The following AGBL4 variants were observed in gnomAD, a reference collection of about 807,000 sequenced individuals.
AGBL4 encodes the protein cytosolic carboxypeptidase 6.
In AGBL4, 58 loss-of-function variants were observed where a neutral mutation model predicts 66.4. That is an observed-to-expected ratio of 0.87 (90% CI 0.71 to 1.09). The LOEUF (loss-of-function observed/expected upper bound fraction) is 1.09. Among genes scored for constraint, AGBL4 ranks in the 50% least tolerant of loss-of-function variants. The pLI is 0.00. For synonymous variants in AGBL4, 234 were observed against 222.9 expected, an observed-to-expected ratio of 1.05 and a Z score of -0.44; for missense variants, 579 against 631.0, an observed-to-expected ratio of 0.92 and a Z score of 0.88.
intron 2 of AGBL4, among the ~76,000 whole-genome samples, chr1:49,713,235 G>A (rs1279353936): frequency 6.6e-6 from 1 of 151,918 alleles, no homozygotes; most frequent in East Asian, 1.9e-4. Context: ...AGATAACTCA[G>A]TGAGAATATC....
At chr1:48,776,527 CTCCG>C in intron 6 of AGBL4, 9 of 1,108,522 alleles carry the variant, frequency 8.1e-6, no homozygotes, top group African/African-American at 1.7e-5. Flanking sequence ...CCCCGGTCCC[CTCCG>C]CCCGGGCCCC....
chr1:49,728,273 C>G (rs1558196519), intron 2 of AGBL4, among the ~76,000 whole-genome samples: 1 of 152,110 alleles, frequency 6.6e-6, no homozygotes. Context: ...TTTAAAGGTA[C>G]AGAAAGATAA....
intron 1 of AGBL4, among the ~76,000 whole-genome samples, chr1:49,947,674 G>C (rs1473364802): frequency 2.0e-5 from 3 of 151,316 alleles, no homozygotes; most frequent in African/African-American, 7.3e-5. Flanking sequence ...CTTCAATATA[G>C]TACTGGAAGT....
chr1:48,563,500 G>T (rs1284401196), intron 11 of AGBL4, among the ~76,000 whole-genome samples: 1 of 152,098 alleles, frequency 6.6e-6, no homozygotes, highest in Non-Finnish European at 1.5e-5. Flanking sequence ...GAAATGGAGT[G>T]AGGGGGTCTG....
chr1:48,541,358 T>A (rs1020329697), intron 11 of AGBL4, among the ~76,000 whole-genome samples: 7 of 152,354 alleles, frequency 4.6e-5, no homozygotes, highest in African/African-American at 1.7e-4. Flanking sequence ...TCTCTTCTTT[T>A]CAGTAGCCCC....
chr1:49,463,817 G>A (rs920385308), intron 3 of AGBL4, among the ~76,000 whole-genome samples: 1 of 151,738 alleles, frequency 6.6e-6, no homozygotes, highest in Non-Finnish European at 1.5e-5. Context: ...TGTGCTAAGA[G>A]TATAAATAAC....
chr1:49,933,998 T>C (rs897033879), intron 1 of AGBL4, among the ~76,000 whole-genome samples: 1 of 152,148 alleles, frequency 6.6e-6, no homozygotes, highest in Non-Finnish European at 1.5e-5. Flanking sequence ...CAAGTATATG[T>C]TGTCTACAAA....
chr1:49,368,796 C>T (rs947378304), intron 3 of AGBL4, among the ~76,000 whole-genome samples: 3 of 152,062 alleles, frequency 2.0e-5, no homozygotes, highest in Middle Eastern at 3.2e-3. Context: ...TGAGGCTGGC[C>T]GGGTGTGGTG....
chr1:48,968,686 G>A (rs1411452865), intron 5 of AGBL4, among the ~76,000 whole-genome samples: 1 of 152,158 alleles, frequency 6.6e-6, no homozygotes, highest in Non-Finnish European at 1.5e-5. Context: ...TGGGTCCATG[G>A]CAGAGATGAA....
At chr1:49,237,528 A>T (rs1485328306) in intron 4 of AGBL4, among the ~76,000 whole-genome samples, 3 of 1,462 alleles carry the variant, frequency 2.1e-3, no homozygotes, top group African/African-American at 2.4e-3. Flanking sequence ...ATATATATAT[A>T]TATATATATA....
intron 3 of AGBL4, among the ~76,000 whole-genome samples, chr1:49,492,553 A>C (rs1647214687): frequency 6.6e-6 from 1 of 151,984 alleles, no homozygotes; most frequent in Non-Finnish European, 1.5e-5. Flanking sequence ...TTGTGATTGC[A>C]TCTGTGTTCC....
chr1:49,711,713 T>C (rs1647680047), intron 2 of AGBL4, among the ~76,000 whole-genome samples: 1 of 152,076 alleles, frequency 6.6e-6, no homozygotes, highest in Non-Finnish European at 1.5e-5. Context: ...TTCAGTTTAA[T>C]GTTGTTCAGT....
At chr1:49,587,329 A>G (rs1245349634) in intron 3 of AGBL4, among the ~76,000 whole-genome samples, 1 of 152,008 alleles carries the variant, frequency 6.6e-6, no homozygotes, top group Non-Finnish European at 1.5e-5. Context: ...AGAAAAGAAA[A>G]AAGAAAAGAA....
intron 9 of AGBL4, among the ~76,000 whole-genome samples, chr1:48,613,853 TA>T (rs1401526772): frequency 7.2e-5 from 11 of 152,244 alleles, no homozygotes; most frequent in Non-Finnish European, 1.5e-5. Context: ...CTAACCACAA[TA>T]ATACAGCACA....
Position 48,900,525 on chromosome 1 carries a change from G to A in AGBL4, c.595-33295C>T, listed in dbSNP as rs553520827. ...TACAGTAATCAAGACAGTGTGGTTT[G>A]GTTTTAGCATAATTAGATCCATAAA... On this transcript the variant is annotated intron_variant, in intron 5 of 13. Coordinates refer to ENST00000371839, the MANE Select transcript of AGBL4 (RefSeq NM_032785.4). 2.5e-4 allele frequency among the ~76,000 whole-genome samples: 38 copies of A among 152,228 alleles called. 1 individual carries two copies. Among genetic ancestry groups the A allele is most frequent in the African/African-American group, 8.7e-4 (36 of 41,548 alleles).
rs1415168069 is a variant in AGBL4 at position 48,590,922 on chromosome 1, A to T, written c.1015T>A (p.Tyr339Asn). The change falls in exon 10 of 14, where the codon TAT (tyrosine) becomes AAT (asparagine). Residue 339 changes from tyrosine to asparagine, a missense_variant. Physicochemically the swap from Tyr to Asn is moderately radical, Grantham distance 143. Coordinates refer to ENST00000371839, the MANE Select transcript of AGBL4 (RefSeq NM_032785.4). ...TCCTCATCCTCAAAGATGTTGCCATACATGAAGCCATTCATCATGGTGGAG... is the reference window on the plus strand; with the variant it reads ...TCCTCATCCTCAAAGATGTTGCCATTCATGAAGCCATTCATCATGGTGGAG... ...AHSTMMNGFM[Y>N]GNIFEDEERF... The T allele has an allele frequency of 6.2e-7, 1 of 1,610,518 alleles. No individual in the cohort carries two copies. The highest frequency in any genetic ancestry group is 8.5e-7 in the Non-Finnish European group (1 of 1,178,676).
chr1:50,022,691 CTTG>C (rs1201544602), intron 1 of AGBL4, among the ~76,000 whole-genome samples: 36 of 151,062 alleles, frequency 2.4e-4, no homozygotes, highest in African/African-American at 8.8e-4. Context: ...GTGGATCACT[CTTG>C]TAATGATAAT....
Position 49,115,912 on chromosome 1 carries a change from G to C in AGBL4, c.378-70112C>G, listed in dbSNP as rs142314115. 7.8e-3 allele frequency among the ~76,000 whole-genome samples: 1,180 copies of C among 152,142 alleles called. 45 individuals carry two copies. The highest frequency in any genetic ancestry group is 0.058 in the Admixed American group (892 of 15,260). ...GGAGAAGAATACCAAGATGACAGTA[G>C]ACAATTTGAAGAAATGCTGTATCTC... On this transcript the variant is annotated intron_variant, in intron 4 of 13. Coordinates refer to ENST00000371839, the MANE Select transcript of AGBL4 (RefSeq NM_032785.4).
intron 4 of AGBL4, among the ~76,000 whole-genome samples, chr1:49,125,346 G>A (rs771360877): frequency 1.2e-4 from 19 of 152,024 alleles, no homozygotes; most frequent in South Asian, 6.2e-4. Context: ...TATAGATGGC[G>A]AAATGGTATT....
Sources: allele counts gnomAD v4.1 joint callset (sites outside exome capture counted in the v4.1 genomes callset), GRCh38; gene constraint gnomAD v4.1.1; transcripts MANE v1.5; gene names NCBI Gene and HGNC (gene_info 2026-07-23, HGNC 2026-07-21).